Variants in NBEA observed in about 807,000 individuals in gnomAD.
NBEA encodes the protein neurobeachin, also known as lysosomal-trafficking regulator 2.
A neutral mutation model predicts 343.4 loss-of-function variants in NBEA; 44 were observed. The ratio of observed to expected loss-of-function variants is 0.13; its 90% confidence interval spans 0.10 to 0.16. The LOEUF (loss-of-function observed/expected upper bound fraction) is 0.16. NBEA is among the 10% of genes least tolerant of loss of function. NBEA has a pLI of 1.00. For missense variants in NBEA, 2,555 were observed against 3,631.3 expected (o/e 0.70, Z 7.62); for synonymous variants, 1,175 against 1,238.7 (o/e 0.95, Z 1.08).
chr13:34,998,258 G>A (rs948822990), intron 1 of NBEA, among the ~76,000 whole-genome samples: 1 of 152,112 alleles, frequency 6.6e-6, no homozygotes, highest in Non-Finnish European at 1.5e-5. Flanking sequence ...GCTTCACAAG[G>A]TAATAAGATA....
chr13:35,037,362 G>A (rs1434203928), intron 1 of NBEA, among the ~76,000 whole-genome samples: 1 of 152,038 alleles, frequency 6.6e-6, no homozygotes, highest in African/African-American at 2.4e-5. Context: ...TCTGTGAAAG[G>A]TCACACACAT....
At chr13:34,986,243 C>A (rs977289786) in intron 1 of NBEA, among the ~76,000 whole-genome samples, 1 of 150,674 alleles carries the variant, frequency 6.6e-6, no homozygotes, top group Non-Finnish European at 1.5e-5. Context: ...TGTCTTTGTT[C>A]TCGTTGGTTT....
chr13:35,082,714 T>C (rs541956844), intron 10 of NBEA, among the ~76,000 whole-genome samples: 192 of 152,350 alleles, frequency 1.3e-3, no homozygotes, highest in African/African-American at 4.4e-3. Flanking sequence ...CAAAAATGTC[T>C]TCTTTTCAGA....
chr13:35,040,122 A>C (rs1409922373), intron 1 of NBEA, among the ~76,000 whole-genome samples: 2 of 152,160 alleles, frequency 1.3e-5, no homozygotes, highest in African/African-American at 4.8e-5. Flanking sequence ...TTTAGACCAA[A>C]AGGATATCCA....
chr13:35,357,368 G>T (rs759983884), intron 38 of NBEA, among the ~76,000 whole-genome samples: 6 of 151,914 alleles, frequency 3.9e-5, no homozygotes, highest in Non-Finnish European at 7.4e-5. Context: ...ACGTGTGGGG[G>T]TTTGTTATAT....
At position 35,555,107 on chromosome 13, in the gene NBEA, G is replaced by T. The variant is rs371309167; in HGVS notation, c.6922+5G>T. 1 of 1,465,112 alleles carries T rather than the reference G, an allele frequency of 6.8e-7. No individual in the cohort carries two copies. The highest frequency in any genetic ancestry group is 9.5e-7 in the Non-Finnish European group (1 of 1,049,774). The allele number at this position is 1,465,112 out of a possible 1,614,324, so 90.8% of individuals were successfully genotyped here. ...TGTTCCTTAATACTATTGCAGGTAA[G>T]ATGTCTCATTCTTTAATCTAATAAT... On this transcript the variant is annotated splice_donor_5th_base_variant and intron_variant, in intron 44 of 58. Transcript: ENST00000379939.
chr13:35,533,104 C>T (rs1185000110), intron 41 of NBEA, among the ~76,000 whole-genome samples: 1 of 151,938 alleles, frequency 6.6e-6, no homozygotes, highest in Non-Finnish European at 1.5e-5. Context: ...ATTTGTGCGC[C>T]CACTAGCAAT....
chr13:35,396,323 T>C (rs2042743495), intron 38 of NBEA, among the ~76,000 whole-genome samples: 1 of 152,176 alleles, frequency 6.6e-6, no homozygotes, highest in African/African-American at 2.4e-5. Flanking sequence ...TTTCTGTGTG[T>C]CTACTCTGTT....
rs138357145 is a variant in NBEA at position 35,442,750 on chromosome 13, CAG to C, written c.6305-9340_6305-9339del. Among the ~76,000 whole-genome samples the C allele has an allele frequency of 3.0e-3, 452 of 152,192 alleles. 3 individuals carry two copies. Among genetic ancestry groups the C allele is most frequent in the African/African-American group, 0.01 (434 of 41,554 alleles). On this transcript the variant is annotated intron_variant, in intron 39 of 58. Transcript: ENST00000379939. ...ATAAATGAAATTCCGTTTTTGCTGTCAGAACCAAATTGTAAAAATGAATTGCA... is the reference window on the plus strand; with the variant it reads ...ATAAATGAAATTCCGTTTTTGCTGTCAACCAAATTGTAAAAATGAATTGCA...
chr13:35,195,450 G>A (rs1019418430), intron 30 of NBEA, among the ~76,000 whole-genome samples: 1 of 151,900 alleles, frequency 6.6e-6, no homozygotes, highest in Non-Finnish European at 1.5e-5. Flanking sequence ...CCAGGCAGGA[G>A]TGCAGTGGCA....
chr13:35,440,072 G>T (rs542278936), intron 39 of NBEA, among the ~76,000 whole-genome samples: 2 of 152,158 alleles, frequency 1.3e-5, no homozygotes, highest in African/African-American at 4.8e-5. Context: ...TAGAGACAGG[G>T]TTTCACCATG....
At chr13:35,464,460 A>C (rs1055317978) in intron 40 of NBEA, among the ~76,000 whole-genome samples, 1 of 152,342 alleles carries the variant, frequency 6.6e-6, no homozygotes, top group East Asian at 1.9e-4. Flanking sequence ...CACTGCCATC[A>C]TTCTATCCCA....
At chr13:35,358,770 T>C (rs137911716) in intron 38 of NBEA, among the ~76,000 whole-genome samples, 1 of 152,074 alleles carries the variant, frequency 6.6e-6, no homozygotes, top group African/African-American at 2.4e-5. Context: ...AATGATAGGA[T>C]AGAAAAGTGC....
intron 36 of NBEA, among the ~76,000 whole-genome samples, chr13:35,328,095 C>T (rs912920530): frequency 6.6e-6 from 1 of 151,842 alleles, no homozygotes; most frequent in Admixed American, 6.6e-5. Context: ...AGTTCTTGGC[C>T]AGTTCATTTT....
chr13:35,324,205 G>T (rs887966237), intron 36 of NBEA, among the ~76,000 whole-genome samples: 10 of 152,190 alleles, frequency 6.6e-5, no homozygotes, highest in Non-Finnish European at 4.4e-5. Flanking sequence ...GAAGTGAGGA[G>T]ATAAGATGAG....
intron 32 of NBEA, 96 bp downstream of exon 32, chr13:35,208,950 A>G: frequency 1.1e-6 from 1 of 915,964 alleles, no homozygotes; most frequent in Non-Finnish European, 1.6e-6. Flanking sequence ...TACCCTAATC[A>G]TTTAAGATTA....
intron 41 of NBEA, among the ~76,000 whole-genome samples, chr13:35,493,147 C>T (rs2076558361): frequency 6.6e-6 from 1 of 151,632 alleles, no homozygotes; most frequent in African/African-American, 2.4e-5. Flanking sequence ...AAAGAAGACC[C>T]ATGAAGAGTA....
At chr13:34,968,796 A>AT (rs1194267169) in intron 1 of NBEA, among the ~76,000 whole-genome samples, 2 of 152,186 alleles carry the variant, frequency 1.3e-5, no homozygotes, top group South Asian at 2.1e-4. Flanking sequence ...GCACTAATAG[A>AT]TTTTTTTAAG....
intron 39 of NBEA, among the ~76,000 whole-genome samples, chr13:35,438,336 G>A (rs763496372): frequency 7.2e-5 from 11 of 152,138 alleles, no homozygotes; most frequent in Non-Finnish European, 1.3e-4. Flanking sequence ...AGTTTTGATG[G>A]TATATGCATG....
Sources: allele counts gnomAD v4.1 joint callset (sites outside exome capture counted in the v4.1 genomes callset), GRCh38; gene constraint gnomAD v4.1.1; transcripts MANE v1.5; gene names NCBI Gene and HGNC (gene_info 2026-07-23, HGNC 2026-07-21).